The following TAFA2 variants were observed in gnomAD, a reference collection of about 807,000 sequenced individuals.
The protein encoded by TAFA2 is chemokine-like protein TAFA-2.
In TAFA2, 7 loss-of-function variants were observed where a neutral mutation model predicts 18.8. The ratio of observed to expected loss-of-function variants is 0.37; its 90% CI spans 0.21 to 0.70. TAFA2 has a LOEUF of 0.70. TAFA2 is among the 30% of genes least tolerant of loss of function. The pLI is 0.53. For synonymous variants in TAFA2, 60 were observed against 54.2 expected (o/e 1.11, Z -0.47); for missense variants, 122 against 158.1 (o/e 0.77, Z 1.23).
chr12:61,759,268 C>G (rs1359689465), intron 2 of TAFA2, among the ~76,000 whole-genome samples: 1 of 152,060 alleles, frequency 6.6e-6, no homozygotes, highest in African/African-American at 2.4e-5. Context: ...TCTCTCCCTT[C>G]TGGACGAAGG....
chr12:61,815,757 A>G (rs974793585), intron 2 of TAFA2, among the ~76,000 whole-genome samples: 11 of 151,358 alleles, frequency 7.3e-5, no homozygotes, highest in Non-Finnish European at 4.4e-5. Context: ...AGAATTTGAG[A>G]ATCGCAGTAT....
At chr12:62,232,953 T>C (rs1482110055) in intron 1 of TAFA2, among the ~76,000 whole-genome samples, 1 of 151,332 alleles carries the variant, frequency 6.6e-6, no homozygotes, top group Non-Finnish European at 1.5e-5. Flanking sequence ...TGCCGTTAGC[T>C]CCTAGTTTTC....
At chr12:61,876,423 A>C (rs1381237607) in intron 1 of TAFA2, among the ~76,000 whole-genome samples, 1 of 152,180 alleles carries the variant, frequency 6.6e-6, no homozygotes, top group Non-Finnish European at 1.5e-5. Flanking sequence ...ACCTACATAT[A>C]TGAAGGATTC....
rs761501983 is a variant in TAFA2 at position 61,809,799 on chromosome 12, T to C, written c.107-54775A>G. On this transcript the variant is annotated intron_variant, in intron 2 of 4. Coordinates refer to ENST00000416284, the MANE Select transcript of TAFA2 (RefSeq NM_178539.5). Reference sequence around the variant, plus strand: ...CTACTTCACCCTGTTGTCTTCAATATGAAGAATCAAGTCCTTCTCAGCTTT... The same window carrying C: ...CTACTTCACCCTGTTGTCTTCAATACGAAGAATCAAGTCCTTCTCAGCTTT... Among the ~76,000 whole-genome samples the C allele has an allele frequency of 7.8e-4, 118 of 151,476 alleles. 1 individual carries two copies. Among genetic ancestry groups the C allele is most frequent in the Non-Finnish European group, 1.2e-3 (85 of 68,008 alleles).
intron 1 of TAFA2, among the ~76,000 whole-genome samples, chr12:62,118,310 T>C (rs1399848857): frequency 6.6e-6 from 1 of 152,156 alleles, no homozygotes; most frequent in Non-Finnish European, 1.5e-5. Flanking sequence ...AATGCTGTAC[T>C]TCATTCATTT....
intron 2 of TAFA2, among the ~76,000 whole-genome samples, chr12:61,790,399 T>C (rs931338064): frequency 2.6e-5 from 4 of 151,794 alleles, no homozygotes; most frequent in African/African-American, 9.7e-5. Flanking sequence ...ATAAAACTTA[T>C]CCAAATCAGA....
At chr12:61,853,061 C>A (rs1341407717) in intron 2 of TAFA2, among the ~76,000 whole-genome samples, 1 of 152,054 alleles carries the variant, frequency 6.6e-6, no homozygotes, top group African/African-American at 2.4e-5. Context: ...TTACCATACA[C>A]AAAAATGGTA....
Position 62,049,753 on chromosome 12 carries a change from T to A in TAFA2, c.-2+141506A>T, listed in dbSNP as rs186557757. On this transcript the variant is annotated intron_variant, in intron 1 of 4. Coordinates refer to ENST00000416284, the MANE Select transcript of TAFA2 (RefSeq NM_178539.5). The stretch of plus-strand genomic sequence containing the variant: ...ATGAAGTCACCTTATATATAATGTA[T>A]TATATTGTGTATGTATATTATTAAG... Among the ~76,000 whole-genome samples the A allele has an allele frequency of 2.4e-3, 367 of 152,278 alleles. 1 individual carries two copies. Among genetic ancestry groups the A allele is most frequent in the African/African-American group, 8.0e-3 (332 of 41,562 alleles).
intron 1 of TAFA2, among the ~76,000 whole-genome samples, chr12:61,939,926 C>T (rs150860630): frequency 3.2e-4 from 49 of 152,302 alleles, no homozygotes; most frequent in African/African-American, 8.9e-4. Flanking sequence ...TACCTGCTTC[C>T]ACCTACAGAG....
chr12:61,950,609 T>C (rs1020368277), intron 1 of TAFA2, among the ~76,000 whole-genome samples: 1 of 152,202 alleles, frequency 6.6e-6, no homozygotes, highest in African/African-American at 2.4e-5. Context: ...AATTGAGTTA[T>C]TTGATCTTTT....
intron 1 of TAFA2, among the ~76,000 whole-genome samples, chr12:61,949,122 G>A (rs1000533484): frequency 2.6e-5 from 4 of 152,126 alleles, no homozygotes; most frequent in African/African-American, 4.8e-5. Context: ...CATAGACTCC[G>A]TAAAGCAGAT....
chr12:61,864,400 G>GTA (rs1276218568), intron 2 of TAFA2, among the ~76,000 whole-genome samples: 136 of 146,892 alleles, frequency 9.3e-4, no homozygotes, highest in African/African-American at 3.1e-3. Context: ...TATATGGTGT[G>GTA]TATATATATA....
intron 1 of TAFA2, among the ~76,000 whole-genome samples, chr12:62,101,451 G>A (rs1286388732): frequency 6.6e-6 from 1 of 152,172 alleles, no homozygotes; most frequent in Non-Finnish European, 1.5e-5. Flanking sequence ...CACTCATCAT[G>A]CAATACTTGG....
At chr12:62,034,234 A>T (rs1592562570) in intron 1 of TAFA2, among the ~76,000 whole-genome samples, 1 of 152,274 alleles carries the variant, frequency 6.6e-6, no homozygotes, top group Non-Finnish European at 1.5e-5. Flanking sequence ...GTCAGCAGAT[A>T]TGTTCACCTT....
intron 1 of TAFA2, among the ~76,000 whole-genome samples, chr12:62,029,208 C>T (rs17654643): frequency 0.1 from 15,236 of 152,094 alleles, 980 homozygotes; most frequent in Non-Finnish European, 0.14. Context: ...CATTCAGTTA[C>T]GATTTATAAT....
At chr12:61,835,835 A>G (rs1184832951) in intron 2 of TAFA2, among the ~76,000 whole-genome samples, 1 of 151,850 alleles carries the variant, frequency 6.6e-6, no homozygotes, top group East Asian at 1.9e-4. Context: ...TTTCGTACCT[A>G]TTTTGTGTTA....
chr12:61,753,470 A>G lies in TAFA2; in HGVS notation c.384+152T>C, dbSNP rs1869113503. 5 of 636,542 alleles carry G rather than the reference A, an allele frequency of 7.9e-6. No individual in the cohort carries two copies. In the South Asian group the frequency reaches 8.0e-5, roughly 10 times the overall value. The allele number at this position is 636,542 out of a possible 1,614,324, so 39.4% of individuals were successfully genotyped here. A position where few individuals can be genotyped will look rare whatever the true frequency, so the allele number is the denominator to read the frequency against. Reference sequence around the variant, plus strand: ...CTGAGTGAAATAAAAATGTTTTATGAAAAAAGCGAACTAAGAAAAAAATGG... The same window carrying G: ...CTGAGTGAAATAAAAATGTTTTATGGAAAAAGCGAACTAAGAAAAAAATGG... On this transcript the variant is annotated intron_variant, in intron 4 of 4. Coordinates refer to ENST00000416284, the MANE Select transcript of TAFA2 (RefSeq NM_178539.5).
chr12:61,808,703 C>T (rs957114723), intron 2 of TAFA2, among the ~76,000 whole-genome samples: 1 of 151,276 alleles, frequency 6.6e-6, no homozygotes, highest in Admixed American at 6.6e-5. Flanking sequence ...CATTGAAGGA[C>T]TTGGTCTGAA....
chr12:62,236,432 T>C (rs1032398347), intron 1 of TAFA2, among the ~76,000 whole-genome samples: 1 of 152,006 alleles, frequency 6.6e-6, no homozygotes, highest in Non-Finnish European at 1.5e-5. Context: ...GCCTGGCTAA[T>C]TTTTTTGTAT....
Sources: gnomAD v4.1 joint callset for allele counts (sites outside exome capture counted in the v4.1 genomes callset) on GRCh38, gnomAD v4.1.1 for gene constraint, MANE v1.5 for transcripts, NCBI Gene and HGNC (gene_info 2026-07-23, HGNC 2026-07-21) for gene names.